The following RAB13 variants were observed in gnomAD, a reference collection of about 807,000 sequenced individuals.
RAB13 encodes RAB13, member RAS oncogene family.
In RAB13, 15 loss-of-function variants were observed where a neutral mutation model predicts 29.3. That is an observed-to-expected ratio of 0.51 (90% CI 0.34 to 0.79). The LOEUF (loss-of-function observed/expected upper bound fraction) is 0.79, where lower values mean the gene tolerates loss of function less well. Among genes scored for constraint, RAB13 ranks in the 30% least tolerant of loss-of-function variants. RAB13 has a pLI of 0.01. For synonymous variants in RAB13, 82 were observed against 93.8 expected, an observed-to-expected ratio of 0.87 and a Z score of 0.73; for missense variants, 186 against 255.5, an observed-to-expected ratio of 0.73 and a Z score of 1.85.
chr1:153,985,786 G>A (rs1056743323), intron 1 of RAB13, among the ~76,000 whole-genome samples: 6 of 152,148 alleles, frequency 3.9e-5, no homozygotes, highest in Non-Finnish European at 5.9e-5. Flanking sequence ...ATAGGATCGA[G>A]AGAGTTCTAG....
At position 153,982,076 on chromosome 1, in the gene RAB13, G is replaced by A. The variant is rs1284603050; in HGVS notation, c.*23C>T. The stretch of plus-strand genomic sequence containing the variant: ...TGTCTCCCTCAGGTTCAGCTTCCGG[G>A]GTGGGGAGGCAAGAAAGGGTCCTCA... On this transcript the variant is annotated 3_prime_UTR_variant, in exon 8 of 8. Coordinates refer to ENST00000368575, the MANE Select transcript of RAB13 (RefSeq NM_002870.5). 1.2e-6 allele frequency: 2 copies of A among 1,605,350 alleles called. No individual in the cohort carries two copies. The highest frequency in any genetic ancestry group is 3.3e-5 in the Admixed American group (2 of 59,986).
chr1:153,985,403 G>A (rs1649131879), intron 1 of RAB13: 3 of 977,930 alleles, frequency 3.1e-6, no homozygotes, highest in African/African-American at 1.8e-5. Context: ...GAAGGGAGGA[G>A]GGGAGACAAT....
chr1:153,986,264 G>C lies in RAB13; in HGVS notation c.-28C>G. 1.3e-6 allele frequency: 2 copies of C among 1,598,422 alleles called. No homozygotes were observed. Among genetic ancestry groups the C allele is most frequent in the Non-Finnish European group, 8.6e-7 (1 of 1,169,070 alleles). ...CGGACACCGGGGGAGCCGGGGGAGG[G>C]GTGGGGAGCGCCCGGCACTGGTAGG... On this transcript the variant is annotated 5_prime_UTR_variant, in exon 1 of 8. Coordinates refer to ENST00000368575, the MANE Select transcript of RAB13 (RefSeq NM_002870.5).
intron 1 of RAB13, 181 bp from the exon 2 acceptor site, chr1:153,984,962 C>A (rs1317962271): frequency 7.5e-7 from 1 of 1,340,094 alleles, no homozygotes. Flanking sequence ...ATTTGTATAG[C>A]AAGAATACTA....
intron 2 of RAB13, among the ~76,000 whole-genome samples, chr1:153,984,177 C>CAAAA (rs751964337): frequency 3.6e-4 from 27 of 74,486 alleles, no homozygotes; most frequent in South Asian, 1.7e-3. Context: ...AACTCTGTCT[C>CAAAA]AAAAAAAAAA....
Position 153,982,427 on chromosome 1 carries a change from G to C in RAB13, c.498C>G (p.Ala166=). 6.2e-7 allele frequency: 1 copy of C among 1,613,848 alleles called. No homozygotes were observed. The highest frequency in any genetic ancestry group is 8.5e-7 in the Non-Finnish European group (1 of 1,179,894). Residue 166 remains alanine, a synonymous_variant, in exon 7 of 8, where the codon GCC becomes GCG. Transcript: ENST00000368575. ...MNVDEAFSSL[A]RDILLKSGGR... is the part of the protein sequence containing the mutation. ...CTCCTGACTTGAGCAAGATGTCCCGGGCCAGGGAACTAAAAGCCTAAAGTG... is the reference window on the plus strand; with the variant it reads ...CTCCTGACTTGAGCAAGATGTCCCGCGCCAGGGAACTAAAAGCCTAAAGTG...
Position 153,982,908 on chromosome 1 carries a change from C to A in RAB13, c.325-100G>T. Reference sequence around the variant, plus strand: ...TTGGGAGGCCAAGGCGGGTGGATCACCTGATGCAGGAGTTCAAGATCAGCC... The same window carrying A: ...TTGGGAGGCCAAGGCGGGTGGATCAACTGATGCAGGAGTTCAAGATCAGCC... On this transcript the variant is annotated intron_variant, in intron 4 of 7. Coordinates refer to ENST00000368575, the MANE Select transcript of RAB13 (RefSeq NM_002870.5). The A allele has an allele frequency of 2.6e-6, 3 of 1,154,628 alleles. No individual in the cohort carries two copies. In the African/African-American group the frequency reaches 4.6e-5, roughly 18 times the overall value. The allele number at this position is 1,154,628 out of a possible 1,614,324, so 71.5% of individuals were successfully genotyped here.
At chr1:153,987,424 G>A (rs1649203310), upstream of RAB13, among the ~76,000 whole-genome samples, 1 of 151,354 alleles carries the variant, frequency 6.6e-6, no homozygotes, top group South Asian at 2.1e-4. Context: ...GCTGAGGCAG[G>A]AGAATGGCGT....
At chr1:153,984,991 G>C in intron 1 of RAB13, 1 of 1,278,856 alleles carries the variant, frequency 7.8e-7, no homozygotes, top group East Asian at 3.7e-5. Flanking sequence ...TACATTTTAT[G>C]GATTTTGGGA....
At chr1:153,985,701 T>C (rs528916219) in intron 1 of RAB13, among the ~76,000 whole-genome samples, 1 of 149,192 alleles carries the variant, frequency 6.7e-6, no homozygotes, top group South Asian at 2.2e-4. Flanking sequence ...AGTTTGAAGC[T>C]CAGCAAGACA....
intron 7 of RAB13, 57 bp downstream of exon 7, chr1:153,982,334 C>CAT (rs1339885851): frequency 2.7e-6 from 4 of 1,457,812 alleles, no homozygotes; most frequent in Non-Finnish European, 3.8e-6. Context: ...CACACACACA[C>CAT]ATACATACAC....
intron 1 of RAB13, chr1:153,985,014 C>T (rs1347769467): frequency 3.4e-5 from 42 of 1,239,078 alleles, no homozygotes; most frequent in Admixed American, 9.2e-5. Flanking sequence ...GAAAAGGTGA[C>T]GAAAATTCTG....
At chr1:153,987,468 A>G (rs1213555793), upstream of RAB13, among the ~76,000 whole-genome samples, 1 of 146,576 alleles carries the variant, frequency 6.8e-6, no homozygotes, top group East Asian at 2.0e-4. Context: ...GTGAGCCGAG[A>G]TTGCGCCACT....
intron 2 of RAB13, among the ~76,000 whole-genome samples, chr1:153,983,861 G>A (rs1649072990): frequency 6.6e-6 from 1 of 152,126 alleles, no homozygotes; most frequent in Admixed American, 6.6e-5. Context: ...TGTAAGACAT[G>A]TATTATTGTC....
rs774857336 is a variant in RAB13, at chr1:153,982,398, C to T, written c.527G>A (p.Arg176Gln). ...CCAGCAAAACCAACTTACTGATCTC[C>T]GGCCTCCTGACTTGAGCAAGATGTC... ...ARDILLKSGG[R>Q]RSGNGNKPPS... Residue 176 changes from arginine (R) to glutamine (Q), a missense_variant, in exon 7 of 8, where the codon CGG (arginine) becomes CAG (glutamine). By Grantham distance (43) the Arg-to-Gln change is conservative. Coordinates refer to ENST00000368575, the MANE Select transcript of RAB13 (RefSeq NM_002870.5). 40 of 1,613,258 alleles carry T rather than the reference C, an allele frequency of 2.5e-5. No individual in the cohort carries two copies. In the South Asian group the frequency reaches 2.7e-4, roughly 11 times the overall value.
In RAB13 at chr1:153,985,995, G is replaced by A. The variant is rs970268226; in HGVS notation, c.124+118C>T. On this transcript the variant is annotated intron_variant, in intron 1 of 7. Coordinates refer to ENST00000368575, the MANE Select transcript of RAB13 (RefSeq NM_002870.5). ...GAAGGGTCAGAGCCAGGGGTTGAGG[G>A]ACTAGAATTTAGGAGCCTTACTCTA... 16 of 1,500,484 alleles carry A rather than the reference G, an allele frequency of 1.1e-5. No homozygotes were observed. In the African/African-American group the frequency reaches 1.9e-4, roughly 18 times the overall value. The allele number at this position is 1,500,484 out of a possible 1,614,324, so 92.9% of individuals were successfully genotyped here.
intron 1 of RAB13, chr1:153,985,904 T>C: frequency 1.4e-6 from 1 of 706,750 alleles, no homozygotes; most frequent in East Asian, 3.2e-5. Context: ...TGGCAGCAGT[T>C]GAAGAGTTAC....
chr1:153,989,289 G>A (rs921833988), upstream of RAB13, among the ~76,000 whole-genome samples: 6 of 128,686 alleles, frequency 4.7e-5, no homozygotes, highest in Admixed American at 7.6e-5. Flanking sequence ...TCGCTCTGTC[G>A]CCCAGGCTGC....
chr1:153,986,454 C>G (rs1318684877), upstream of RAB13: 2 of 548,968 alleles, frequency 3.6e-6, no homozygotes, highest in African/African-American at 3.8e-5. Flanking sequence ...AGCCCGGCCT[C>G]TGTTCTCTCG....
Sources: gnomAD v4.1 joint callset for allele counts (sites outside exome capture counted in the v4.1 genomes callset) on GRCh38, gnomAD v4.1.1 for gene constraint, MANE v1.5 for transcripts, NCBI Gene and HGNC (gene_info 2026-07-23, HGNC 2026-07-21) for gene names.